Variants in SCTR observed in about 807,000 individuals in gnomAD.
The protein encoded by SCTR is pancreatic secretin receptor.
A neutral mutation model predicts 60.8 loss-of-function variants in SCTR; 56 were observed. The observed-to-expected ratio is 0.92, with a 90% CI of 0.74 to 1.15. The LOEUF (loss-of-function observed/expected upper bound fraction) is 1.15, where lower values mean the gene tolerates loss of function less well. Among genes scored for constraint, SCTR ranks in the 50% most tolerant of loss-of-function variants. The pLI, the probability that SCTR is intolerant of heterozygous loss-of-function variation, is 0.00. For synonymous variants in SCTR, 202 were observed against 217.0 expected, an observed-to-expected ratio of 0.93 and a Z score of 0.61; for missense variants, 562 against 550.4, an observed-to-expected ratio of 1.02 and a Z score of -0.21.
chr2:119,468,878 A>G (rs1287163479), intron 4 of SCTR, among the ~76,000 whole-genome samples: 1 of 152,192 alleles, frequency 6.6e-6, no homozygotes, highest in African/African-American at 2.4e-5. Flanking sequence ...CTTAGAGGAG[A>G]AAAGTGTTAG....
intron 9 of SCTR, among the ~76,000 whole-genome samples, chr2:119,449,458 A>C (rs1180686149): frequency 6.6e-6 from 1 of 152,210 alleles, no homozygotes; most frequent in Non-Finnish European, 1.5e-5. Context: ...AAATATCTTA[A>C]AAGGTCAAAT....
intron 2 of SCTR, among the ~76,000 whole-genome samples, chr2:119,488,981 T>C (rs1282321894): frequency 2.0e-5 from 3 of 152,152 alleles, no homozygotes; most frequent in Non-Finnish European, 4.4e-5. Flanking sequence ...GTGAGTGGCC[T>C]CACAGCAGAC....
intron 1 of SCTR, among the ~76,000 whole-genome samples, chr2:119,504,567 G>A (rs958596086): frequency 1.3e-5 from 2 of 151,398 alleles, no homozygotes; most frequent in African/African-American, 4.9e-5. Flanking sequence ...CTCCAGCCTG[G>A]GTGACAAAGT....
chr2:119,460,441 T>C (rs112809747), intron 7 of SCTR, among the ~76,000 whole-genome samples: 2,511 of 112,316 alleles, frequency 0.022, 25 homozygotes, highest in South Asian at 0.068. Context: ...GGTGGGTGGA[T>C]GGATGGATGG....
intron 3 of SCTR, among the ~76,000 whole-genome samples, chr2:119,474,781 GC>G (rs1203326233): frequency 6.6e-6 from 1 of 152,224 alleles, no homozygotes; most frequent in Non-Finnish European, 1.5e-5. Flanking sequence ...CACAGCGTAT[GC>G]TATCACTGTT....
chr2:119,464,689 A>C (rs1050877684), intron 5 of SCTR, among the ~76,000 whole-genome samples: 1 of 152,176 alleles, frequency 6.6e-6, no homozygotes, highest in Non-Finnish European at 1.5e-5. Context: ...TACCATTGCC[A>C]CTGCACTCCA....
In SCTR at chr2:119,464,142, G is replaced by A. The variant is rs971808980; in HGVS notation, c.617C>T (p.Thr206Ile). Reference protein sequence around the residue: ...DAVLFSSDDVTYCDAHRAGCK... With the variant: ...DAVLFSSDDVIYCDAHRAGCK... Reference sequence around the variant, plus strand: ...TATTACCCTGTGGGCATCGCAGTAGGTGACATCATCTGAGGAGAAGAGCAC... The same window carrying A: ...TATTACCCTGTGGGCATCGCAGTAGATGACATCATCTGAGGAGAAGAGCAC... The change falls in exon 6 of 13, where the codon ACC becomes ATC. Residue 206 changes from threonine (T) to isoleucine (I), a missense_variant. By Grantham distance (89) the Thr-to-Ile change is moderately conservative. Coordinates refer to ENST00000019103, the MANE Select transcript of SCTR (RefSeq NM_002980.3). The A allele has an allele frequency of 1.2e-6, 2 of 1,614,106 alleles. No individual in the cohort carries two copies. The highest frequency in any genetic ancestry group is 1.7e-6 in the Non-Finnish European group (2 of 1,180,058).
intron 1 of SCTR, among the ~76,000 whole-genome samples, chr2:119,501,723 T>C (rs1258068962): frequency 6.6e-6 from 1 of 152,072 alleles, no homozygotes; most frequent in Non-Finnish European, 1.5e-5. Flanking sequence ...CATCGAAATA[T>C]CACAATTACC....
At chr2:119,452,974 C>T (rs1683231289) in intron 8 of SCTR, among the ~76,000 whole-genome samples, 1 of 152,164 alleles carries the variant, frequency 6.6e-6, no homozygotes, top group African/African-American at 2.4e-5. Context: ...GCTGGACTGG[C>T]CCTTCCTTGA....
rs931881969 is a variant in SCTR, at chr2:119,494,153, T to C, written c.193+275A>G. On this transcript the variant is annotated intron_variant, in intron 2 of 12. Transcript: ENST00000019103. ...GAGAAATTCCCACCAAGCTCTTACGTTGGCCAAGTCAGCATGCAGAAGCTG... is the reference window on the plus strand; with the variant it reads ...GAGAAATTCCCACCAAGCTCTTACGCTGGCCAAGTCAGCATGCAGAAGCTG... Among the ~76,000 whole-genome samples the C allele has an allele frequency of 4.6e-5, 7 of 152,162 alleles. No homozygotes were observed. In the East Asian group the frequency reaches 1.3e-3, roughly 29 times the overall value.
chr2:119,520,812 G>A (rs1248989775), intron 1 of SCTR, among the ~76,000 whole-genome samples: 3 of 152,108 alleles, frequency 2.0e-5, no homozygotes, highest in African/African-American at 4.8e-5. Context: ...CTCAGATGCC[G>A]TATCACCAAC....
rs141918054 is a variant in SCTR, at chr2:119,439,851, C to T, written c.*266G>A. ...GGATGGACAAATATAGATTGAATCT[C>T]ATCCCAGGCACCATTTATTTCCCTG... On this transcript the variant is annotated 3_prime_UTR_variant, in exon 13 of 13. Coordinates refer to ENST00000019103, the MANE Select transcript of SCTR (RefSeq NM_002980.3). 64 of 450,642 alleles carry T rather than the reference C, an allele frequency of 1.4e-4. No individual in the cohort carries two copies. Among genetic ancestry groups the T allele is most frequent in the African/African-American group, 1.1e-3 (59 of 51,490 alleles). The allele number at this position is 450,642 out of a possible 1,614,324, so 27.9% of individuals were successfully genotyped here. A position where few individuals can be genotyped will look rare whatever the true frequency, so the allele number is the denominator to read the frequency against.
At chr2:119,458,600 CAAA>C (rs35957538) in intron 7 of SCTR, among the ~76,000 whole-genome samples, 4 of 134,610 alleles carry the variant, frequency 3.0e-5, no homozygotes, top group Non-Finnish European at 6.6e-5. Flanking sequence ...GACTCTCTCT[CAAA>C]AAAAAAAAAA....
rs1301259884 is a variant in SCTR, at chr2:119,461,968, C to G, written c.669G>C (p.Gln223His). The G allele has an allele frequency of 6.2e-7, 1 of 1,612,802 alleles. No individual in the cohort carries two copies. Among genetic ancestry groups the G allele is most frequent in the Non-Finnish European group, 8.5e-7 (1 of 1,179,504 alleles). The change falls in exon 7 of 13, where the codon CAG becomes CAC. Residue 223 changes from glutamine to histidine, a missense_variant. Physicochemically the swap from Gln to His is conservative, Grantham distance 24 (BLOSUM62 0). Coordinates refer to ENST00000019103, the MANE Select transcript of SCTR (RefSeq NM_002980.3). ...AGCKLVMVLFQYCIMANYSWL... is the reference protein window; with the variant it reads ...AGCKLVMVLFHYCIMANYSWL... Reference sequence around the variant, plus strand: ...AGGAGTAGTTGGCCATGATGCAGTACTGGAACAGCACCATGACCAGCTTGC... The same window carrying G: ...AGGAGTAGTTGGCCATGATGCAGTAGTGGAACAGCACCATGACCAGCTTGC...
At chr2:119,517,555 G>A (rs766670865) in intron 1 of SCTR, among the ~76,000 whole-genome samples, 1 of 152,212 alleles carries the variant, frequency 6.6e-6, no homozygotes, top group Non-Finnish European at 1.5e-5. Flanking sequence ...TGGGTGGAGC[G>A]TGGGAGCCAG....
At chr2:119,484,372 G>A (rs1248938924) in intron 2 of SCTR, among the ~76,000 whole-genome samples, 1 of 151,838 alleles carries the variant, frequency 6.6e-6, no homozygotes, top group African/African-American at 2.4e-5. Flanking sequence ...GTTTAAGTGG[G>A]GAAACAAGAG....
At position 119,448,698 on chromosome 2, in the gene SCTR, C is replaced by G. The variant is rs1245012713; in HGVS notation, c.1004G>C (p.Ser335Thr). ...RTQETRGNEV[S>T]HYKRLARSTL... Reference sequence around the variant, plus strand: ...TTTGCCCTTCACTTACTTATAATGGCTGACTTCATTTCCTCTTGTTTCTTG... The same window carrying G: ...TTTGCCCTTCACTTACTTATAATGGGTGACTTCATTTCCTCTTGTTTCTTG... The change falls in exon 10 of 13, where the codon AGC becomes ACC. Residue 335 changes from serine to threonine, a missense_variant. Coordinates refer to ENST00000019103, the MANE Select transcript of SCTR (RefSeq NM_002980.3). 6.3e-7 allele frequency: 1 copy of G among 1,578,530 alleles called. No individual in the cohort carries two copies. The highest frequency in any genetic ancestry group is 1.1e-5 in the South Asian group (1 of 90,342).
chr2:119,513,287 G>T (rs187023828), intron 1 of SCTR, among the ~76,000 whole-genome samples: 6 of 152,218 alleles, frequency 3.9e-5, no homozygotes, highest in African/African-American at 1.2e-4. Context: ...TGTTCTCTTT[G>T]TATGGGTTTA....
intron 2 of SCTR, among the ~76,000 whole-genome samples, chr2:119,481,756 G>A (rs958160759): frequency 1.3e-5 from 2 of 152,232 alleles, no homozygotes; most frequent in African/African-American, 2.4e-5. Flanking sequence ...CATAGCACAA[G>A]TGCTCAGCAA....
Sources: gnomAD v4.1 joint callset for allele counts (sites outside exome capture counted in the v4.1 genomes callset) on GRCh38, gnomAD v4.1.1 for gene constraint, MANE v1.5 for transcripts, NCBI Gene and HGNC (gene_info 2026-07-23, HGNC 2026-07-21) for gene names.